Variants in ADGRG1 observed in about 807,000 individuals in gnomAD.
ADGRG1 encodes the protein adhesion G protein-coupled receptor G1, also known as 7-transmembrane protein with no EGF-like N-terminal domains-1.
In ADGRG1, 53 loss-of-function variants were observed where a neutral mutation model predicts 73.5. That is an observed-to-expected ratio of 0.72 (90% CI 0.58 to 0.91). The LOEUF (loss-of-function observed/expected upper bound fraction) is 0.91, where lower values mean the gene tolerates loss of function less well. ADGRG1 is among the 40% of genes least tolerant of loss of function. The probability of loss-of-function intolerance (pLI) is 0.00; values close to 1 mark genes in which losing one functional copy is unlikely to be tolerated. For missense variants in ADGRG1, 795 were observed against 871.8 expected, an observed-to-expected ratio of 0.91 and a Z score of 1.11; for synonymous variants, 394 against 374.4, an observed-to-expected ratio of 1.05 and a Z score of -0.60.
At chr16:57,643,797 T>A (rs2041476611) in intron 1 of ADGRG1, 14 of 977,140 alleles carry the variant, frequency 1.4e-5, no homozygotes, top group Middle Eastern at 5.3e-4. Context: ...GTCACTCACT[T>A]GGGGAGTGGG....
At chr16:57,662,506 C>A (rs1046113486) in intron 13 of ADGRG1, among the ~76,000 whole-genome samples, 2 of 152,152 alleles carry the variant, frequency 1.3e-5, no homozygotes, top group African/African-American at 2.4e-5. Context: ...GCCACCCGGG[C>A]CCTGCCACAT....
rs8049441 is a variant in ADGRG1, at chr16:57,662,233, C to A, written c.1933+268C>A. ...AACTCAGCTCTACTGGGGAAGACTG[C>A]GCATGAGCAGGCAAGCATATAGCCA... On this transcript the variant is annotated intron_variant, in intron 13 of 13. Transcript: ENST00000562631. Among the ~76,000 whole-genome samples, 13,039 of 152,136 alleles carry A rather than the reference C, an allele frequency of 0.086. 706 individuals are homozygous for A. The highest frequency in any genetic ancestry group is 0.14 in the African/African-American group (5,792 of 41,446).
intron 10 of ADGRG1, 109 bp from the exon 11 acceptor site, chr16:57,659,304 G>A: frequency 6.3e-7 from 1 of 1,591,424 alleles, no homozygotes; most frequent in Non-Finnish European, 8.5e-7. Context: ...ATGACTGCAT[G>A]TGTGTGTCGG....
chr16:57,635,791 ATGCTCCTT>A, intron 1 of ADGRG1: 5 of 985,362 alleles, frequency 5.1e-6, no homozygotes, highest in Non-Finnish European at 6.0e-6. Context: ...GGAGTGCACC[ATGCTCCTT>A]TGGATCCAGT....
chr16:57,623,834 G>C (rs1056815396), upstream of ADGRG1: 1 of 985,118 alleles, frequency 1.0e-6, no homozygotes, highest in African/African-American at 1.7e-5. Context: ...TTTCCCACAG[G>C]AGATAGCAGG....
intron 1 of ADGRG1, among the ~76,000 whole-genome samples, chr16:57,638,985 G>T (rs186555092): frequency 2.6e-5 from 4 of 151,950 alleles, no homozygotes; most frequent in Admixed American, 2.6e-4. Flanking sequence ...CAGGAGAATC[G>T]CTTGAAACTG....
intron 1 of ADGRG1, among the ~76,000 whole-genome samples, chr16:57,649,109 C>T (rs905196730): frequency 3.9e-5 from 6 of 152,140 alleles, no homozygotes; most frequent in African/African-American, 7.2e-5. Flanking sequence ...CTTGCCAGGG[C>T]GGGGCAATAC....
chr16:57,648,125 G>T (rs147077389), intron 1 of ADGRG1: 409 of 152,330 alleles, frequency 2.7e-3, no homozygotes, highest in Middle Eastern at 6.8e-3. Flanking sequence ...TGTCAGCTTC[G>T]AGTTTACAGG....
chr16:57,643,821 A>T (rs1597317700), intron 1 of ADGRG1: 1 of 956,234 alleles, frequency 1.0e-6, no homozygotes, highest in South Asian at 5.0e-5. Flanking sequence ...GGGGGAGGGG[A>T]GTGGGAATAG....
intron 10 of ADGRG1, 179 bp from the exon 11 acceptor site, chr16:57,659,234 G>A (rs1465513838): frequency 1.0e-6 from 1 of 985,168 alleles, no homozygotes; most frequent in African/African-American, 1.7e-5. Flanking sequence ...CACAGTAGGT[G>A]CACAGGGGGA....
intron 10 of ADGRG1, 182 bp from the exon 11 acceptor site, chr16:57,659,231 G>A: frequency 1.0e-6 from 1 of 985,014 alleles, no homozygotes; most frequent in Non-Finnish European, 1.2e-6. Context: ...GCACACAGTA[G>A]GTGCACAGGG....
intron 1 of ADGRG1, among the ~76,000 whole-genome samples, chr16:57,640,469 A>G (rs1420855518): frequency 1.3e-5 from 2 of 152,344 alleles, no homozygotes; most frequent in Middle Eastern, 3.4e-3. Context: ...TAAATGCGTG[A>G]ACATGTGTAA....
At chr16:57,633,921 C>A in intron 1 of ADGRG1, 1 of 199,098 alleles carries the variant, frequency 5.0e-6, no homozygotes, top group Non-Finnish European at 9.0e-6. Flanking sequence ...CATTGTCCAG[C>A]CTGGGACTCC....
chr16:57,648,651 C>T, intron 1 of ADGRG1: 1 of 983,880 alleles, frequency 1.0e-6, no homozygotes, highest in Non-Finnish European at 1.2e-6. Context: ...GAAAGTCCTC[C>T]TTGGTTTCTC....
In ADGRG1 at chr16:57,643,791, C is replaced by G. The variant is rs112828134; in HGVS notation, c.-35-6462C>G. 2.8e-4 allele frequency: 278 copies of G among 984,728 alleles called. No homozygotes were observed. In the African/African-American group the frequency reaches 4.3e-3, roughly 15 times the overall value. 61.0% of individuals were successfully genotyped at this position (984,728 alleles called of 1,614,324 possible). ...GGTCACCTAGCTTGGACTTCCGTCA[C>G]TCACTTGGGGAGTGGGAATGGGGGA... On this transcript the variant is annotated intron_variant, in intron 1 of 13. Coordinates refer to ENST00000562631, the MANE Select transcript of ADGRG1 (RefSeq NM_201525.4).
intron 11 of ADGRG1, chr16:57,660,123 G>A (rs904277370): frequency 9.6e-5 from 31 of 321,414 alleles, no homozygotes; most frequent in African/African-American, 6.1e-4. Flanking sequence ...GCCAATGACT[G>A]TTCAATTCAC....
At chr16:57,651,887 C>T in intron 3 of ADGRG1, 1 of 1,413,112 alleles carries the variant, frequency 7.1e-7, no homozygotes, top group Non-Finnish European at 9.2e-7. Context: ...AGGGCAAGGG[C>T]CCGTCCTGAG....
intron 11 of ADGRG1, 112 bp downstream of exon 11, chr16:57,659,793 T>G (rs554245470): frequency 1.8e-6 from 2 of 1,126,692 alleles, no homozygotes; most frequent in Admixed American, 1.9e-5. Flanking sequence ...CCTCCTGGCC[T>G]CCTTCACTCA....
intron 4 of ADGRG1, 151 bp from the exon 5 acceptor site, chr16:57,653,835 C>G (rs746271539): frequency 1.0e-4 from 163 of 1,562,718 alleles, no homozygotes; most frequent in Non-Finnish European, 1.4e-4. Flanking sequence ...GCTCTCCACT[C>G]TCTCTTGCCC....
Sources: gnomAD v4.1 joint callset for allele counts (sites outside exome capture counted in the v4.1 genomes callset) on GRCh38, gnomAD v4.1.1 for gene constraint, MANE v1.5 for transcripts, NCBI Gene and HGNC (gene_info 2026-07-23, HGNC 2026-07-21) for gene names.